The following ABCC4 variants were observed in gnomAD, a reference collection of about 807,000 sequenced individuals.
The protein encoded by ABCC4 is ATP binding cassette subfamily C member 4 (PEL blood group).
ABCC4 carries 102 observed loss-of-function variants against 168.5 expected under a neutral mutation model. That is an observed-to-expected ratio of 0.61 (90% confidence interval 0.52 to 0.71). The LOEUF (loss-of-function observed/expected upper bound fraction) is 0.71, where lower values mean the gene tolerates loss of function less well. Among genes scored for constraint, ABCC4 ranks in the 30% least tolerant of loss-of-function variants. The pLI is 0.00. For synonymous variants in ABCC4, 617 were observed against 590.7 expected (o/e 1.04, Z -0.65); for missense variants, 1,402 against 1,605.8 (o/e 0.87, Z 2.17).
At position 95,083,172 on chromosome 13, in the gene ABCC4, G is replaced by C; in HGVS notation, c.2654C>G (p.Thr885Arg). ...TTCCAGGCGCTTCACATCTCTTGAC[G>C]TTTCCAAAAAATATCGCCGAAGAAA... ...FIFLRRYFLE[T>R]SRDVKRLEST... The change falls in exon 21 of 31, where the codon ACG becomes AGG. Residue 885 changes from threonine (T) to arginine (R), a missense_variant. Physicochemically the swap from Thr to Arg is moderately conservative, Grantham distance 71 (BLOSUM62 -1). This residue lies in a region of ABCC4 where 1,007 missense variants were observed against 1,127.3 expected (regional missense o/e 0.89). Coordinates refer to ENST00000645237, the MANE Select transcript of ABCC4 (RefSeq NM_005845.5). The C allele has an allele frequency of 6.2e-7, 1 of 1,613,706 alleles. No individual in the cohort carries two copies. Among genetic ancestry groups the C allele is most frequent in the Non-Finnish European group, 8.5e-7 (1 of 1,179,842 alleles).
At chr13:95,217,282 A>G (rs1240322551) in intron 4 of ABCC4, among the ~76,000 whole-genome samples, 1 of 152,234 alleles carries the variant, frequency 6.6e-6, no homozygotes, top group Non-Finnish European at 1.5e-5. Context: ...GGCCACATAA[A>G]TATCACCATC....
intron 19 of ABCC4, among the ~76,000 whole-genome samples, chr13:95,129,093 C>A (rs375257919): frequency 1.3e-3 from 197 of 152,210 alleles, no homozygotes; most frequent in Non-Finnish European, 2.3e-3. Flanking sequence ...TGAGAGATCA[C>A]GAAGTTGGCT....
At chr13:95,089,619 T>C (rs151075869) in intron 20 of ABCC4, among the ~76,000 whole-genome samples, 21 of 151,818 alleles carry the variant, frequency 1.4e-4, no homozygotes, top group African/African-American at 2.9e-4. Context: ...CTAAATAACA[T>C]ACTAAATACA....
intron 8 of ABCC4, among the ~76,000 whole-genome samples, chr13:95,196,554 AT>A (rs1215032991): frequency 6.7e-6 from 1 of 150,370 alleles, no homozygotes; most frequent in East Asian, 2.0e-4. Context: ...GTCAAAAAAA[AT>A]AAAAGGAAAG....
Position 95,056,806 on chromosome 13 carries a change from C to A in ABCC4, c.3367-3622G>T, listed in dbSNP as rs1024269626. 3.3e-5 allele frequency among the ~76,000 whole-genome samples: 5 copies of A among 152,270 alleles called. No homozygotes were observed. In the South Asian group the frequency reaches 1.0e-3, roughly 32 times the overall value. ...AGTGGGCTGCTTAAAAACTACTTAG[C>A]TTTTGCTTTGATAGAAAAACAAAAA... On this transcript the variant is annotated intron_variant, in intron 26 of 30. Coordinates refer to ENST00000645237, the MANE Select transcript of ABCC4 (RefSeq NM_005845.5).
chr13:95,144,229 T>C (rs1266908722), intron 19 of ABCC4, among the ~76,000 whole-genome samples: 1 of 102,526 alleles, frequency 9.8e-6, no homozygotes, highest in African/African-American at 4.5e-5. Context: ...TTAACCCTTA[T>C]CTGAGGGGGT....
intron 21 of ABCC4, among the ~76,000 whole-genome samples, chr13:95,076,142 T>A (rs180871781): frequency 6.6e-6 from 1 of 152,318 alleles, no homozygotes; most frequent in East Asian, 1.9e-4. Flanking sequence ...TGCCCACTCA[T>A]GCTGGAAGAA....
chr13:95,210,779 T>G lies in ABCC4; in HGVS notation c.534A>C (p.Ala178=), dbSNP rs1317510298. 3 of 1,612,798 alleles carry G rather than the reference T, an allele frequency of 1.9e-6. No individual in the cohort carries two copies. Among genetic ancestry groups the G allele is most frequent in the East Asian group, 2.2e-5 (1 of 44,886 alleles). Residue 178 remains alanine (A), a splice_region_variant and synonymous_variant, in exon 5 of 31, where the codon GCA becomes GCC. Transcript: ENST00000645237. ...CCATGGCCATGTTACTAAGACGAAGTGCCTGAAATAAAAGAGGTAAGTAGA... is the reference window on the plus strand; with the variant it reads ...CCATGGCCATGTTACTAAGACGAAGGGCCTGAAATAAAAGAGGTAAGTAGA... ...VAMCHMIYRK[A]LRLSNMAMGK...
At chr13:95,281,299 C>CAA (rs10541756) in intron 1 of ABCC4, among the ~76,000 whole-genome samples, 44 of 48,714 alleles carry the variant, frequency 9.0e-4, no homozygotes, top group Middle Eastern at 0.032. Context: ...GAGACTCTCT[C>CAA]AAAAAAAAAA....
At chr13:95,094,461 G>C (rs1036295704) in intron 20 of ABCC4, among the ~76,000 whole-genome samples, 2 of 152,162 alleles carry the variant, frequency 1.3e-5, no homozygotes, top group African/African-American at 4.8e-5. Context: ...TAACTGGCTA[G>C]CCACATGTAG....
intron 3 of ABCC4, among the ~76,000 whole-genome samples, chr13:95,237,664 C>T (rs2039811386): frequency 6.6e-6 from 1 of 152,110 alleles, no homozygotes; most frequent in South Asian, 2.1e-4. Flanking sequence ...CGAGCCCCAT[C>T]CCTTGCTTTC....
intron 14 of ABCC4, among the ~76,000 whole-genome samples, chr13:95,166,761 A>T (rs2037285979): frequency 6.6e-6 from 1 of 152,224 alleles, no homozygotes; most frequent in Non-Finnish European, 1.5e-5. Context: ...GGAGGTAGGA[A>T]CAGGCATATC....
chr13:95,210,921 CT>C, intron 4 of ABCC4, 140 bp from the exon 5 acceptor site: 1 of 590,352 alleles, frequency 1.7e-6, no homozygotes, highest in South Asian at 2.2e-5. Flanking sequence ...CCACTGCCCC[CT>C]CTCTCTGCCC....
chr13:95,187,576 C>A (rs1237442007), intron 10 of ABCC4, among the ~76,000 whole-genome samples: 2 of 152,160 alleles, frequency 1.3e-5, no homozygotes, highest in Non-Finnish European at 2.9e-5. Context: ...TGCACTCCAG[C>A]CTGGGTGACA....
intron 25 of ABCC4, among the ~76,000 whole-genome samples, chr13:95,065,874 C>T (rs796085695): frequency 7.2e-5 from 11 of 152,344 alleles, no homozygotes; most frequent in African/African-American, 2.6e-4. Context: ...CTTGCCCCAT[C>T]ACATCTTGCC....
intron 19 of ABCC4, among the ~76,000 whole-genome samples, chr13:95,121,691 G>A (rs1283708766): frequency 6.6e-6 from 1 of 152,130 alleles, no homozygotes; most frequent in East Asian, 1.9e-4. Context: ...ATACAGGCAT[G>A]AGTCACAGCG....
intron 18 of ABCC4, among the ~76,000 whole-genome samples, chr13:95,162,769 G>T (rs1266071714): frequency 6.6e-6 from 1 of 152,152 alleles, no homozygotes; most frequent in Non-Finnish European, 1.5e-5. Flanking sequence ...CGAACCACAG[G>T]GTGGAGATCC....
intron 9 of ABCC4, among the ~76,000 whole-genome samples, chr13:95,191,346 A>G (rs1366647372): frequency 6.6e-6 from 1 of 152,218 alleles, no homozygotes; most frequent in Non-Finnish European, 1.5e-5. Context: ...ACATCATAGG[A>G]TGGCCGCAGA....
At chr13:95,225,147 TCTCTCTCACACACACACACA>T (rs751262310) in intron 4 of ABCC4, among the ~76,000 whole-genome samples, 14,323 of 100,752 alleles carry the variant, frequency 0.14, 959 homozygotes, top group East Asian at 0.33. Context: ...TCTGTCTCTC[TCTCTCTCACACACACACACA>T]CACACACACA....
Sources: gnomAD v4.1 joint callset for allele counts (sites outside exome capture counted in the v4.1 genomes callset) on GRCh38, gnomAD v4.1.1 for gene constraint, gnomAD v4.1.1 regional missense constraint, MANE v1.5 for transcripts, NCBI Gene and HGNC (gene_info 2026-07-23, HGNC 2026-07-21) for gene names.